The following SRPK2 variants were observed in gnomAD, a reference collection of about 807,000 sequenced individuals.
The protein encoded by SRPK2 is SRSF protein kinase 2, also known as SFRS protein kinase 2.
SRPK2 carries 21 observed loss-of-function variants against 90.8 expected under a neutral mutation model. That is an observed-to-expected ratio of 0.23 (90% CI 0.16 to 0.33). The LOEUF (loss-of-function observed/expected upper bound fraction) is 0.33, where lower values mean the gene tolerates loss of function less well. SRPK2 is among the 10% of genes least tolerant of loss of function. SRPK2 has a pLI of 1.00. For missense variants in SRPK2, 620 were observed against 869.0 expected (o/e 0.71, Z 3.60); for synonymous variants, 288 against 311.1 (o/e 0.93, Z 0.78).
Position 105,232,447 on chromosome 7 carries a change from G to A in SRPK2, c.72-28662C>T, listed in dbSNP as rs190388514. Among the ~76,000 whole-genome samples the A allele has an allele frequency of 3.9e-3, 384 of 97,782 alleles. 11 individuals are homozygous for A. The East Asian group carries it at 0.071, about 18-fold the overall frequency. The allele number at this position is 97,782 out of a possible 152,430, so 64.1% of individuals were successfully genotyped here. A position where few individuals can be genotyped will look rare whatever the true frequency, so the allele number is the denominator to read the frequency against. On this transcript the variant is annotated intron_variant, in intron 2 of 15. Coordinates refer to ENST00000393651, the MANE Select transcript of SRPK2 (RefSeq NM_182692.3). ...GCACTCCAGCCTGGGCAACAAGAGC[G>A]AAACCTTATCTAAAAAAAAAAAAAA...
At chr7:105,199,404 G>A (rs1196150878) in intron 3 of SRPK2, among the ~76,000 whole-genome samples, 1 of 152,134 alleles carries the variant, frequency 6.6e-6, no homozygotes, top group Non-Finnish European at 1.5e-5. Context: ...AGTATCAGAA[G>A]AAAAATGATA....
intron 2 of SRPK2, among the ~76,000 whole-genome samples, chr7:105,291,786 G>A (rs950981548): frequency 6.6e-6 from 1 of 151,974 alleles, no homozygotes; most frequent in African/African-American, 2.4e-5. Context: ...AAAACATACA[G>A]AAAGTAAAGC....
At chr7:105,167,679 C>T (rs188536120) in intron 5 of SRPK2, among the ~76,000 whole-genome samples, 1 of 151,772 alleles carries the variant, frequency 6.6e-6, no homozygotes, top group Non-Finnish European at 1.5e-5. Flanking sequence ...GGTACGATCT[C>T]GGCTCACTGC....
At chr7:105,377,535 A>C (rs1820448598) in intron 2 of SRPK2, among the ~76,000 whole-genome samples, 2 of 151,884 alleles carry the variant, frequency 1.3e-5, no homozygotes, top group African/African-American at 4.8e-5. Context: ...TCAACTGAAA[A>C]AAAAAAATAC....
intron 2 of SRPK2, among the ~76,000 whole-genome samples, chr7:105,232,216 C>G (rs908669871): frequency 6.6e-6 from 1 of 152,046 alleles, no homozygotes; most frequent in Admixed American, 6.5e-5. Context: ...TCTGTAAGCC[C>G]GGCACTTTGG....
At chr7:105,250,125 G>C (rs1252995139) in intron 2 of SRPK2, among the ~76,000 whole-genome samples, 1 of 152,102 alleles carries the variant, frequency 6.6e-6, no homozygotes. Flanking sequence ...AAGGTCAGGA[G>C]TCAAGACCAG....
intron 7 of SRPK2, among the ~76,000 whole-genome samples, chr7:105,153,863 C>T (rs1251410425): frequency 3.3e-5 from 5 of 152,102 alleles, no homozygotes; most frequent in East Asian, 3.9e-4. Flanking sequence ...TGTGGGCGTG[C>T]GGGACACCAG....
upstream of SRPK2, among the ~76,000 whole-genome samples, chr7:105,393,261 G>C (rs1031781736): frequency 4.7e-5 from 7 of 150,228 alleles, no homozygotes; most frequent in East Asian, 1.2e-3. Flanking sequence ...CTCCCAAAGT[G>C]TTGGGATTGC....
At chr7:105,287,185 C>T (rs1002578176) in intron 2 of SRPK2, among the ~76,000 whole-genome samples, 3 of 141,262 alleles carry the variant, frequency 2.1e-5, no homozygotes, top group Non-Finnish European at 3.0e-5. Context: ...GGCGTGAACC[C>T]GGGAGGCGGA....
At chr7:105,185,380 A>G (rs1793447916) in intron 3 of SRPK2, among the ~76,000 whole-genome samples, 1 of 152,080 alleles carries the variant, frequency 6.6e-6, no homozygotes, top group Non-Finnish European at 1.5e-5. Context: ...CTAATTATCC[A>G]CATTCCAACC....
rs886307958 is a variant in SRPK2, at chr7:105,272,580, T to C, written c.72-68795A>G. Among the ~76,000 whole-genome samples, 10 of 152,256 alleles carry C rather than the reference T, an allele frequency of 6.6e-5. No homozygotes were observed. The East Asian group carries it at 1.2e-3, about 18-fold the overall frequency. ...TACTTTGCAAGACCGTTATCTTCCA[T>C]GCAGCCCTTAAATGCTGGTAATACC... On this transcript the variant is annotated intron_variant, in intron 2 of 15. Coordinates refer to ENST00000393651, the MANE Select transcript of SRPK2 (RefSeq NM_182692.3).
chr7:105,184,761 C>G (rs1260273769), intron 3 of SRPK2, among the ~76,000 whole-genome samples: 1 of 152,198 alleles, frequency 6.6e-6, no homozygotes, highest in Non-Finnish European at 1.5e-5. Context: ...TCTCTAGTGT[C>G]TTCTGGCCTA....
At chr7:105,156,386 AG>A (rs1806491533) in intron 7 of SRPK2, among the ~76,000 whole-genome samples, 1 of 152,232 alleles carries the variant, frequency 6.6e-6, no homozygotes, top group South Asian at 2.1e-4. Context: ...AACTATGCAA[AG>A]TACTCAAATT....
At chr7:105,296,567 T>C (rs973390416) in intron 2 of SRPK2, among the ~76,000 whole-genome samples, 1 of 152,258 alleles carries the variant, frequency 6.6e-6, no homozygotes, top group South Asian at 2.1e-4. Context: ...CTTAGAGGAA[T>C]TACAGTGAAA....
intron 2 of SRPK2, among the ~76,000 whole-genome samples, chr7:105,288,278 TTAAAA>T (rs1358048815): frequency 3.3e-5 from 5 of 152,044 alleles, no homozygotes; most frequent in Admixed American, 6.6e-5. Context: ...ATCACTGAAC[TTAAAA>T]TAAATAAATA....
intron 2 of SRPK2, among the ~76,000 whole-genome samples, chr7:105,386,473 G>A (rs1024537323): frequency 6.6e-6 from 1 of 152,158 alleles, no homozygotes; most frequent in African/African-American, 2.4e-5. Flanking sequence ...CAGCTGTGTG[G>A]GAGGCCGAGG....
chr7:105,292,423 G>A (rs931141172), intron 2 of SRPK2, among the ~76,000 whole-genome samples: 16 of 131,920 alleles, frequency 1.2e-4, no homozygotes, highest in South Asian at 1.0e-3. Context: ...CAAGAGAATC[G>A]CTTAAACCTG....
rs1055948508 is a variant in SRPK2 at position 105,252,450 on chromosome 7, G to A, written c.72-48665C>T. 4.6e-5 allele frequency among the ~76,000 whole-genome samples: 7 copies of A among 152,222 alleles called. No homozygotes were observed. In the South Asian group the frequency reaches 8.3e-4, roughly 18 times the overall value. On this transcript the variant is annotated intron_variant, in intron 2 of 15. Coordinates refer to ENST00000393651, the MANE Select transcript of SRPK2 (RefSeq NM_182692.3). Reference sequence around the variant, plus strand: ...AAGGTTAAAATAACAGTTCACTGGCGTTCTCATCTGAAAAGAAAAAGTTGA... The same window carrying A: ...AAGGTTAAAATAACAGTTCACTGGCATTCTCATCTGAAAAGAAAAAGTTGA...
intron 7 of SRPK2, among the ~76,000 whole-genome samples, chr7:105,159,665 GT>G (rs2129582010): frequency 6.6e-6 from 1 of 152,202 alleles, no homozygotes; most frequent in African/African-American, 2.4e-5. Flanking sequence ...ATTAGGAGGA[GT>G]TCTTCCATCT....
Sources: allele counts gnomAD v4.1 joint callset (sites outside exome capture counted in the v4.1 genomes callset), GRCh38; gene constraint gnomAD v4.1.1; transcripts MANE v1.5; gene names NCBI Gene and HGNC (gene_info 2026-07-23, HGNC 2026-07-21).